F11R: variants seen among roughly 807,000 people sequenced by gnomAD.
The protein encoded by F11R is junctional adhesion molecule A.
Under a neutral mutation model 39.3 loss-of-function variants are expected in F11R, and 27 were observed. The ratio of observed to expected loss-of-function variants is 0.69; its 90% CI spans 0.51 to 0.95. F11R has a LOEUF of 0.95. Among genes scored for constraint, F11R ranks in the 40% least tolerant of loss-of-function variants. The pLI is 0.00. For synonymous variants in F11R, 131 were observed against 144.9 expected (o/e 0.90, Z 0.69); for missense variants, 335 against 372.7 (o/e 0.90, Z 0.83).
At chr1:161,003,599 CAG>C (rs1014918972) in intron 1 of F11R, among the ~76,000 whole-genome samples, 22 of 151,352 alleles carry the variant, frequency 1.5e-4, no homozygotes, top group African/African-American at 4.9e-4. Flanking sequence ...TTTGTTGAGA[CAG>C]AGTCTCACTC....
Position 160,999,721 on chromosome 1 carries a change from C to G in F11R, c.721G>C (p.Ala241Pro). The change falls in exon 7 of 10, where the codon GCA becomes CCA. Residue 241 changes from alanine (A) to proline (P), a missense_variant. Coordinates refer to ENST00000368026, the MANE Select transcript of F11R (RefSeq NM_016946.6). The stretch of plus-strand genomic sequence containing the variant: ...AGAATCAGGGTTACAAGGACGGCTG[C>G]CACGATGACCCCCACATTCCGCTCC... ...AVERNVGVIV[A>P]AVLVTLILLG... 2 of 1,614,176 alleles carry G rather than the reference C, an allele frequency of 1.2e-6. No homozygotes were observed. Among genetic ancestry groups the G allele is most frequent in the Non-Finnish European group, 1.7e-6 (2 of 1,180,034 alleles).
At chr1:161,013,668 C>T (rs1023413981) in intron 1 of F11R, among the ~76,000 whole-genome samples, 40 of 152,208 alleles carry the variant, frequency 2.6e-4, no homozygotes, top group African/African-American at 9.2e-4. Context: ...ACAGGCTGGG[C>T]TATGTCTAAA....
chr1:161,001,432 A>G, intron 1 of F11R, 79 bp from the exon 2 acceptor site: 1 of 1,243,930 alleles, frequency 8.0e-7, no homozygotes, highest in Admixed American at 1.8e-5. Context: ...GACCCAGTGG[A>G]CAGGGCTTCT....
At position 160,999,425 on chromosome 1, in the gene F11R, G is replaced by A. The variant is rs1361061685; in HGVS notation, c.803-17C>T. On this transcript the variant is annotated splice_polypyrimidine_tract_variant and intron_variant, in intron 7 of 9. Transcript: ENST00000368026. The stretch of plus-strand genomic sequence containing the variant: ...TCTTTGTTCCTGAAAGAGAAGAAAT[G>A]GGATCATGAGTGTCAGCAGGACAGA... 1.2e-6 allele frequency: 2 copies of A among 1,614,180 alleles called. No homozygotes were observed. Among genetic ancestry groups the A allele is most frequent in the East Asian group, 2.2e-5 (1 of 44,880 alleles).
chr1:161,016,069 G>A (rs1557895634), intron 1 of F11R, among the ~76,000 whole-genome samples: 1 of 152,052 alleles, frequency 6.6e-6, no homozygotes, highest in South Asian at 2.1e-4. Flanking sequence ...CAGGTGCAGG[G>A]GTTCACGCCT....
chr1:161,000,510 T>C (rs1340037509), intron 4 of F11R, 121 bp downstream of exon 4: 1 of 1,477,558 alleles, frequency 6.8e-7, no homozygotes, highest in African/African-American at 1.4e-5. Flanking sequence ...CTCTGGCAGC[T>C]CCAGGACTCT....
chr1:160,999,130 A>G (rs1225133596), intron 8 of F11R, 39 bp from the exon 9 acceptor site: 3 of 1,613,850 alleles, frequency 1.9e-6, no homozygotes, highest in Non-Finnish European at 2.5e-6. Flanking sequence ...TCAGCCACCT[A>G]GGTGCTTATT....
In F11R at chr1:161,000,646, T is replaced by C; in HGVS notation, c.373A>G (p.Lys125Glu). 1 of 1,614,130 alleles carries C rather than the reference T, an allele frequency of 6.2e-7. No homozygotes were observed. Among genetic ancestry groups the C allele is most frequent in the South Asian group, 1.1e-5 (1 of 91,074 alleles). ...GGGCACGTACCAAGCACGATGAGCT[T>C]GACCTTGACCTCCCCATAGCTGTTG... is the stretch of plus-strand genomic sequence containing the variant. ...GGNSYGEVKV[K>E]LIVLVPPSKP... The change falls in exon 4 of 10, where the codon AAG becomes GAG. Residue 125 changes from lysine (K) to glutamate (E), a missense_variant. Coordinates refer to ENST00000368026, the MANE Select transcript of F11R (RefSeq NM_016946.6).
At chr1:161,004,218 T>C (rs775091984) in intron 1 of F11R, among the ~76,000 whole-genome samples, 3 of 152,020 alleles carry the variant, frequency 2.0e-5, no homozygotes, top group Non-Finnish European at 2.9e-5. Flanking sequence ...AGTGCTGGGA[T>C]TACAGATGTG....
chr1:161,018,741 C>T (rs1281218783), intron 1 of F11R, among the ~76,000 whole-genome samples: 2 of 152,100 alleles, frequency 1.3e-5, no homozygotes, highest in Non-Finnish European at 2.9e-5. Context: ...AAATCACTCC[C>T]CTCCCCCAAC....
At chr1:161,011,513 G>A (rs1486615988) in intron 1 of F11R, among the ~76,000 whole-genome samples, 1 of 152,120 alleles carries the variant, frequency 6.6e-6, no homozygotes, top group East Asian at 1.9e-4. Flanking sequence ...GCCGAGACAG[G>A]TGGTCAGGAG....
At chr1:161,019,747 GAAAAGCAAGTCAAGA>G (rs1296887292) in intron 1 of F11R, among the ~76,000 whole-genome samples, 12 of 152,088 alleles carry the variant, frequency 7.9e-5, no homozygotes, top group Admixed American at 5.2e-4. Context: ...ATGGAAAAAG[GAAAAGCAAGTCAAGA>G]GGGTTTGGTT....
intron 1 of F11R, among the ~76,000 whole-genome samples, chr1:161,017,137 C>A (rs892694469): frequency 1.3e-5 from 2 of 151,770 alleles, no homozygotes; most frequent in Non-Finnish European, 2.9e-5. Flanking sequence ...TGCGGAAGGC[C>A]GCAGGGACCT....
At chr1:161,015,492 G>A (rs1340456282) in intron 1 of F11R, among the ~76,000 whole-genome samples, 1 of 150,840 alleles carries the variant, frequency 6.6e-6, no homozygotes, top group Non-Finnish European at 1.5e-5. Flanking sequence ...TCGGGAGGCT[G>A]AGGCAGGAGA....
intron 1 of F11R, among the ~76,000 whole-genome samples, chr1:161,010,678 C>A (rs1245447475): frequency 6.6e-6 from 1 of 151,980 alleles, no homozygotes; most frequent in Non-Finnish European, 1.5e-5. Flanking sequence ...CCTAAGAAAG[C>A]AATCAAAGAT....
Position 161,003,233 on chromosome 1 carries a change from C to T in F11R, c.65-1880G>A, listed in dbSNP as rs562274732. On this transcript the variant is annotated intron_variant, in intron 1 of 9. Coordinates refer to ENST00000368026, the MANE Select transcript of F11R (RefSeq NM_016946.6). ...CCACCTTCCGGGTTCAAGGGATTCT[C>T]CTGCCTCAGCCTCCCAAGTAGCTGG... is the stretch of plus-strand genomic sequence containing the variant. 1.1e-3 allele frequency among the ~76,000 whole-genome samples: 171 copies of T among 151,272 alleles called. 2 individuals carry two copies. In the South Asian group the frequency reaches 0.025, roughly 22 times the overall value.
At chr1:161,019,593 C>CAAAAAA (rs1055209744) in intron 1 of F11R, among the ~76,000 whole-genome samples, 1 of 47,946 alleles carries the variant, frequency 2.1e-5, no homozygotes. Context: ...AACTCTAACT[C>CAAAAAA]AAAAAAAAAA....
intron 1 of F11R, among the ~76,000 whole-genome samples, chr1:161,013,000 C>T (rs767355944): frequency 6.6e-6 from 1 of 152,020 alleles, no homozygotes; most frequent in South Asian, 2.1e-4. Flanking sequence ...AATTACATGT[C>T]GTCGGGGTTT....
At chr1:161,000,823 C>T (rs762598883) in intron 3 of F11R, 46 bp from the exon 4 acceptor site, 12 of 1,610,486 alleles carry the variant, frequency 7.5e-6, no homozygotes, top group Non-Finnish European at 1.0e-5. Flanking sequence ...AACTGGAGAG[C>T]TAAGGGAGGC....
Sources: gnomAD v4.1 joint callset for allele counts (sites outside exome capture counted in the v4.1 genomes callset) on GRCh38, gnomAD v4.1.1 for gene constraint, MANE v1.5 for transcripts, NCBI Gene and HGNC (gene_info 2026-07-23, HGNC 2026-07-21) for gene names.